Variants in AKR1C8 observed in about 807,000 individuals in gnomAD.
AKR1C8 encodes aldo-keto reductase family 1 member C8.
chr10:5,155,737 A>T, the AKR1C8 span: 3 of 476,648 alleles, frequency 6.3e-6, no homozygotes, highest in East Asian at 6.5e-5. Flanking sequence ...TGTCCTCTGG[A>T]GTCAACTCAA....
At chr10:5,182,186 T>C in the AKR1C8 span, among the ~76,000 whole-genome samples, 3 of 152,304 alleles carry the variant, frequency 2.0e-5, no homozygotes, top group African/African-American at 7.2e-5. Context: ...AAACTAATTA[T>C]AAATATTCAA....
At chr10:5,119,012 C>T in the AKR1C8 span, among the ~76,000 whole-genome samples, 1 of 151,934 alleles carries the variant, frequency 6.6e-6, no homozygotes, top group Admixed American at 6.6e-5. Context: ...TGTGAAAGAC[C>T]TTGCAGAATG....
At chr10:5,136,358 G>A in the AKR1C8 span, among the ~76,000 whole-genome samples, 141 of 152,198 alleles carry the variant, frequency 9.3e-4, 1 homozygote, top group East Asian at 0.016. Flanking sequence ...GACCAGCCTG[G>A]CGAATATGAC....
At chr10:5,177,894 T>C in the AKR1C8 span, among the ~76,000 whole-genome samples, 3 of 152,156 alleles carry the variant, frequency 2.0e-5, no homozygotes, top group African/African-American at 7.2e-5. Context: ...GTCTGGCTAG[T>C]GGTCTATAAA....
chr10:5,172,418 A>T, the AKR1C8 span, among the ~76,000 whole-genome samples: 2 of 152,034 alleles, frequency 1.3e-5, no homozygotes, highest in Non-Finnish European at 2.9e-5. Flanking sequence ...TCCCCAAAAA[A>T]CCTTCCTTCA....
the AKR1C8 span, chr10:5,132,526 A>G: frequency 7.9e-7 from 1 of 1,265,692 alleles, no homozygotes; most frequent in Non-Finnish European, 1.0e-6. Context: ...CCACCTACAG[A>G]TCCAGTTACA....
chr10:5,138,475 ATTCTG>A, the AKR1C8 span, among the ~76,000 whole-genome samples: 6 of 152,000 alleles, frequency 3.9e-5, no homozygotes, highest in Non-Finnish European at 8.8e-5. Flanking sequence ...AATCACTGTT[ATTCTG>A]TTCTTTTTCA....
the AKR1C8 span, among the ~76,000 whole-genome samples, chr10:5,156,963 C>T: frequency 6.6e-6 from 1 of 152,142 alleles, no homozygotes; most frequent in East Asian, 1.9e-4. Flanking sequence ...GTGATTAATA[C>T]AAGGTCCAGA....
the AKR1C8 span, among the ~76,000 whole-genome samples, chr10:5,181,581 G>C: frequency 6.6e-6 from 1 of 152,030 alleles, no homozygotes; most frequent in East Asian, 1.9e-4. Flanking sequence ...AGGATCACTT[G>C]ACATATTTAA....
At chr10:5,166,320 GCATTGCCAAGT>G in the AKR1C8 span, among the ~76,000 whole-genome samples, 1 of 152,106 alleles carries the variant, frequency 6.6e-6, no homozygotes. Flanking sequence ...AAAAGAGCCT[GCATTGCCAAGT>G]CAATCCTAAG....
At chr10:5,123,470 T>C in the AKR1C8 span, 83 of 466,696 alleles carry the variant, frequency 1.8e-4, 1 homozygote, top group African/African-American at 1.6e-3. Context: ...GCTGAAGCCC[T>C]GAGGCTGGAT....
chr10:5,165,144 A>G, the AKR1C8 span, among the ~76,000 whole-genome samples: 6 of 152,176 alleles, frequency 3.9e-5, no homozygotes, highest in Admixed American at 2.6e-4. Context: ...GACACTGTAT[A>G]GGGGGTTATT....
chr10:5,174,681 T>C, the AKR1C8 span, among the ~76,000 whole-genome samples: 4 of 152,052 alleles, frequency 2.6e-5, no homozygotes, highest in Admixed American at 1.3e-4. Context: ...AGAACTACCA[T>C]TATGATATAT....
the AKR1C8 span, among the ~76,000 whole-genome samples, chr10:5,159,295 G>A: frequency 6.6e-6 from 1 of 152,174 alleles, no homozygotes; most frequent in Non-Finnish European, 1.5e-5. Context: ...AAGTACAAAA[G>A]GAACATGTCA....
At chr10:5,129,734 C>G in the AKR1C8 span, among the ~76,000 whole-genome samples, 1 of 151,682 alleles carries the variant, frequency 6.6e-6, no homozygotes, top group Non-Finnish European at 1.5e-5. Flanking sequence ...AAATAGAAAA[C>G]CAGAACAGAC....
the AKR1C8 span, among the ~76,000 whole-genome samples, chr10:5,120,146 T>C: frequency 1.3e-5 from 2 of 152,212 alleles, no homozygotes; most frequent in Non-Finnish European, 2.9e-5. Context: ...GCATGAGCGA[T>C]CTGTGCCTTA....
At chr10:5,179,474 A>G in the AKR1C8 span, among the ~76,000 whole-genome samples, 4 of 151,974 alleles carry the variant, frequency 2.6e-5, no homozygotes, top group Non-Finnish European at 4.4e-5. Flanking sequence ...TGCTCTTCTC[A>G]AGGAGTACCT....
At chr10:5,172,347 A>G in the AKR1C8 span, among the ~76,000 whole-genome samples, 1 of 152,080 alleles carries the variant, frequency 6.6e-6, no homozygotes, top group Admixed American at 6.6e-5. Flanking sequence ...ACAAGAAGTT[A>G]CCACATAAGG....
the AKR1C8 span, among the ~76,000 whole-genome samples, chr10:5,149,907 A>G: frequency 6.6e-6 from 1 of 152,172 alleles, no homozygotes; most frequent in Non-Finnish European, 1.5e-5. Context: ...TTTTTCTCAA[A>G]AAAGAATATT....
Sources: allele counts gnomAD v4.1 joint callset (sites outside exome capture counted in the v4.1 genomes callset), GRCh38; gene constraint gnomAD v4.1.1; transcripts MANE v1.5; gene names NCBI Gene and HGNC (gene_info 2026-07-23, HGNC 2026-07-21).